The following KLHL1 variants were observed in gnomAD, a reference collection of about 807,000 sequenced individuals.
KLHL1 encodes the protein kelch-like protein 1.
A neutral mutation model predicts 77.7 loss-of-function variants in KLHL1; 47 were observed. That is an observed-to-expected ratio of 0.60 (90% CI 0.48 to 0.77). The LOEUF (loss-of-function observed/expected upper bound fraction) is 0.77, where lower values mean the gene tolerates loss of function less well. Among genes scored for constraint, KLHL1 ranks in the 30% least tolerant of loss-of-function variants. KLHL1 has a pLI of 0.00. For synonymous variants in KLHL1, 360 were observed against 325.2 expected, an observed-to-expected ratio of 1.11 and a Z score of -1.15; for missense variants, 925 against 910.8, an observed-to-expected ratio of 1.02 and a Z score of -0.20.
chr13:69,994,303 C>T (rs563110414), intron 1 of KLHL1, among the ~76,000 whole-genome samples: 35 of 152,024 alleles, frequency 2.3e-4, no homozygotes, highest in Admixed American at 1.2e-3. Flanking sequence ...AATTAGAGGG[C>T]ATGAACAAAG....
intron 5 of KLHL1, among the ~76,000 whole-genome samples, chr13:69,880,524 T>C (rs1206981815): frequency 2.0e-5 from 3 of 152,180 alleles, no homozygotes; most frequent in Admixed American, 6.6e-5. Context: ...ATTTTATATC[T>C]TAATTTTAAT....
At chr13:70,079,210 G>T (rs543804917) in intron 1 of KLHL1, among the ~76,000 whole-genome samples, 1 of 152,080 alleles carries the variant, frequency 6.6e-6, no homozygotes, top group African/African-American at 2.4e-5. Context: ...CCAGATCCAT[G>T]GTAGTTATAC....
intron 1 of KLHL1, among the ~76,000 whole-genome samples, chr13:70,044,573 T>TAC (rs1886452222): frequency 6.6e-6 from 1 of 152,172 alleles, no homozygotes; most frequent in African/African-American, 2.4e-5. Flanking sequence ...TATACCAAGA[T>TAC]ACATGCCTTG....
chr13:69,832,023 C>CG (rs1316165343), intron 6 of KLHL1, among the ~76,000 whole-genome samples: 1 of 149,920 alleles, frequency 6.7e-6, no homozygotes, highest in African/African-American at 2.5e-5. Flanking sequence ...AAAGCATTCC[C>CG]CCTGAGAAGT....
chr13:69,886,527 G>A (rs368174615), intron 4 of KLHL1, among the ~76,000 whole-genome samples: 28 of 151,406 alleles, frequency 1.8e-4, no homozygotes, highest in South Asian at 1.5e-3. Flanking sequence ...AATTTTATTA[G>A]AAATATAAAT....
chr13:69,814,068 A>G (rs1878016234), intron 6 of KLHL1, among the ~76,000 whole-genome samples: 2 of 152,176 alleles, frequency 1.3e-5, no homozygotes, highest in African/African-American at 4.8e-5. Flanking sequence ...ATGGAAAAGA[A>G]TAGAGACCCC....
chr13:70,016,981 C>T (rs1005853863), intron 1 of KLHL1, among the ~76,000 whole-genome samples: 2 of 152,256 alleles, frequency 1.3e-5, no homozygotes, highest in Middle Eastern at 3.4e-3. Flanking sequence ...ACTGTGGGTC[C>T]CCTCTCCACT....
At position 70,063,515 on chromosome 13, in the gene KLHL1, T is replaced by C. The variant is rs146364208; in HGVS notation, c.497+43688A>G. The stretch of plus-strand genomic sequence containing the variant: ...TCTAATATGCCATGTTATTTTGTTA[T>C]TTAAAATTATAATCTAACACACATG... On this transcript the variant is annotated intron_variant, in intron 1 of 10. Coordinates refer to ENST00000377844, the MANE Select transcript of KLHL1 (RefSeq NM_020866.3). Among the ~76,000 whole-genome samples, 383 of 152,230 alleles carry C rather than the reference T, an allele frequency of 2.5e-3. 2 individuals carry two copies. The highest frequency in any genetic ancestry group is 4.3e-3 in the Non-Finnish European group (292 of 67,948).
chr13:69,878,890 G>T (rs530419803), intron 5 of KLHL1, among the ~76,000 whole-genome samples: 1 of 152,022 alleles, frequency 6.6e-6, no homozygotes, highest in Non-Finnish European at 1.5e-5. Context: ...AGAAAATATG[G>T]TACATACACA....
intron 6 of KLHL1, among the ~76,000 whole-genome samples, chr13:69,803,230 T>C (rs189946842): frequency 1.6e-3 from 240 of 152,302 alleles, no homozygotes; most frequent in African/African-American, 5.6e-3. Flanking sequence ...CTAAGAGCTT[T>C]ACCTACATTA....
chr13:69,860,303 T>C (rs897982974), intron 5 of KLHL1, among the ~76,000 whole-genome samples: 1 of 151,968 alleles, frequency 6.6e-6, no homozygotes, highest in African/African-American at 2.4e-5. Context: ...AACAAACAAG[T>C]ATGAGCATGA....
chr13:69,977,855 ATG>A (rs1044935102), intron 1 of KLHL1, among the ~76,000 whole-genome samples: 6 of 152,158 alleles, frequency 3.9e-5, no homozygotes, highest in Admixed American at 2.6e-4. Context: ...TTTCCAGAAG[ATG>A]TGTTTGTGCA....
chr13:69,777,033 A>ACGT (rs1239144079), intron 7 of KLHL1, among the ~76,000 whole-genome samples: 1 of 143,672 alleles, frequency 7.0e-6, no homozygotes, highest in Non-Finnish European at 1.5e-5. Context: ...TGGGAGGGAC[A>ACGT]GGGTGGGTGA....
In KLHL1 at chr13:70,057,504, C is replaced by T. The variant is rs1416398148; in HGVS notation, c.497+49699G>A. 7.0e-5 allele frequency among the ~76,000 whole-genome samples: 10 copies of T among 142,378 alleles called. No individual in the cohort carries two copies. In the East Asian group the frequency reaches 2.1e-3, roughly 29 times the overall value. 93.4% of individuals were successfully genotyped at this position (142,378 alleles called of 152,430 possible). On this transcript the variant is annotated intron_variant, in intron 1 of 10. Coordinates refer to ENST00000377844, the MANE Select transcript of KLHL1 (RefSeq NM_020866.3). Reference sequence around the variant, plus strand: ...AAAAAAAAAAAAAAGAGGCCGGGCGCGGTGGCTCACGCCTGTAATCCCAGC... The same window carrying T: ...AAAAAAAAAAAAAAGAGGCCGGGCGTGGTGGCTCACGCCTGTAATCCCAGC...
chr13:70,054,938 C>A (rs1886708478), intron 1 of KLHL1, among the ~76,000 whole-genome samples: 1 of 151,684 alleles, frequency 6.6e-6, no homozygotes, highest in Admixed American at 6.6e-5. Flanking sequence ...TAGAAAACAA[C>A]CTCAAAAGGG....
rs930059014 is a variant in KLHL1 at position 70,097,551 on chromosome 13, C to T, written c.497+9652G>A. Among the ~76,000 whole-genome samples, 9 of 152,100 alleles carry T rather than the reference C, an allele frequency of 5.9e-5. No individual in the cohort carries two copies. In the South Asian group the frequency reaches 1.0e-3, roughly 17 times the overall value. On this transcript the variant is annotated intron_variant, in intron 1 of 10. Coordinates refer to ENST00000377844, the MANE Select transcript of KLHL1 (RefSeq NM_020866.3). Reference sequence around the variant, plus strand: ...TTGTGTCTCATCCAGCACCCCTTTTCGTCTCAGCCTGCAATGTAATCTTGG... The same window carrying T: ...TTGTGTCTCATCCAGCACCCCTTTTTGTCTCAGCCTGCAATGTAATCTTGG...
chr13:70,022,354 T>C (rs1885825874), intron 1 of KLHL1, among the ~76,000 whole-genome samples: 1 of 151,806 alleles, frequency 6.6e-6, no homozygotes, highest in South Asian at 2.1e-4. Context: ...CTAGTTCCTA[T>C]ATGTTTTCTT....
intron 5 of KLHL1, among the ~76,000 whole-genome samples, chr13:69,851,406 A>G (rs1879684456): frequency 2.0e-5 from 3 of 151,782 alleles, no homozygotes; most frequent in African/African-American, 7.2e-5. Flanking sequence ...TCAAAATCAA[A>G]AGAAAGTACG....
intron 1 of KLHL1, among the ~76,000 whole-genome samples, chr13:70,036,531 G>T (rs1194981774): frequency 1.3e-5 from 2 of 151,810 alleles, no homozygotes; most frequent in African/African-American, 4.8e-5. Flanking sequence ...GTGTATGGGT[G>T]TATATATGAA....
Sources: gnomAD v4.1 joint callset for allele counts (sites outside exome capture counted in the v4.1 genomes callset) on GRCh38, gnomAD v4.1.1 for gene constraint, MANE v1.5 for transcripts, NCBI Gene and HGNC (gene_info 2026-07-23, HGNC 2026-07-21) for gene names.